EXOC4: variants seen among roughly 807,000 people sequenced by gnomAD.
EXOC4 encodes the protein exocyst complex component 4.
A neutral mutation model predicts 107.2 loss-of-function variants in EXOC4; 71 were observed. That is an observed-to-expected ratio of 0.66 (90% CI 0.55 to 0.81). The LOEUF is 0.81. Among genes scored for constraint, EXOC4 ranks in the 30% least tolerant of loss-of-function variants. The pLI, the probability that EXOC4 is intolerant of heterozygous loss-of-function variation, is 0.00. For synonymous variants in EXOC4, 456 were observed against 441.2 expected (o/e 1.03, Z -0.42); for missense variants, 1,108 against 1,189.6 (o/e 0.93, Z 1.01).
At chr7:133,975,811 A>G (rs1388983017) in intron 14 of EXOC4, among the ~76,000 whole-genome samples, 1 of 152,168 alleles carries the variant, frequency 6.6e-6, no homozygotes. Context: ...AGATATCATA[A>G]TCTTCATTTT....
intron 9 of EXOC4, among the ~76,000 whole-genome samples, chr7:133,600,595 A>G (rs1405100876): frequency 6.6e-6 from 1 of 152,220 alleles, no homozygotes; most frequent in African/African-American, 2.4e-5. Context: ...TTCAGAAAAT[A>G]ATTCAGCATT....
intron 9 of EXOC4, among the ~76,000 whole-genome samples, chr7:133,537,043 G>A (rs1217137035): frequency 6.6e-6 from 1 of 152,186 alleles, no homozygotes; most frequent in Non-Finnish European, 1.5e-5. Flanking sequence ...ATGGCTATTT[G>A]AGGACAACTG....
Position 133,493,311 on chromosome 7 carries a change from C to T in EXOC4, c.1417+13173C>T, listed in dbSNP as rs908159864. 3.9e-5 allele frequency among the ~76,000 whole-genome samples: 6 copies of T among 152,256 alleles called. No individual in the cohort carries two copies. In the East Asian group the frequency reaches 1.2e-3, roughly 29 times the overall value. On this transcript the variant is annotated intron_variant, in intron 9 of 17. Transcript: ENST00000253861. ...AATTAGCTGGACATGGTGGCACACGCCTCTAGTCCCAGCTACTCAGGAGGC... is the reference window on the plus strand; with the variant it reads ...AATTAGCTGGACATGGTGGCACACGTCTCTAGTCCCAGCTACTCAGGAGGC...
intron 7 of EXOC4, among the ~76,000 whole-genome samples, chr7:133,378,823 G>T (rs950085527): frequency 1.3e-5 from 2 of 151,960 alleles, no homozygotes; most frequent in African/African-American, 4.8e-5. Flanking sequence ...AAAAAACAAA[G>T]ATAGGATGAA....
intron 7 of EXOC4, among the ~76,000 whole-genome samples, chr7:133,407,452 T>G (rs995436885): frequency 2.0e-5 from 3 of 152,230 alleles, no homozygotes; most frequent in Non-Finnish European, 2.9e-5. Context: ...CTTTTTTTCT[T>G]TAACAGATTC....
At chr7:133,483,700 C>T (rs1799208837) in intron 9 of EXOC4, among the ~76,000 whole-genome samples, 1 of 152,218 alleles carries the variant, frequency 6.6e-6, no homozygotes, top group East Asian at 1.9e-4. Flanking sequence ...GAGAATAAAT[C>T]AGTGGACCAG....
At chr7:133,812,823 A>G (rs1231565350) in intron 10 of EXOC4, among the ~76,000 whole-genome samples, 1 of 152,124 alleles carries the variant, frequency 6.6e-6, no homozygotes, top group Non-Finnish European at 1.5e-5. Context: ...CATGCCGTGT[A>G]TTAGATCTCT....
At chr7:133,791,577 G>A (rs1376972923) in intron 10 of EXOC4, among the ~76,000 whole-genome samples, 8 of 152,200 alleles carry the variant, frequency 5.3e-5, no homozygotes, top group Non-Finnish European at 8.8e-5. Context: ...TGTTTAATAA[G>A]CATAGTTTGG....
intron 15 of EXOC4, 110 bp from the exon 16 acceptor site, chr7:134,004,802 T>C: frequency 1.1e-6 from 1 of 901,796 alleles, no homozygotes; most frequent in Non-Finnish European, 1.7e-6. Flanking sequence ...TGGCTAGTCT[T>C]ACATTTATTA....
intron 7 of EXOC4, among the ~76,000 whole-genome samples, chr7:133,436,570 A>G (rs1797980770): frequency 6.6e-6 from 1 of 152,038 alleles, no homozygotes; most frequent in South Asian, 2.1e-4. Flanking sequence ...CTTCTTTACT[A>G]AAGCCTAGAA....
At chr7:133,795,755 G>T (rs1009687386) in intron 10 of EXOC4, among the ~76,000 whole-genome samples, 1 of 152,194 alleles carries the variant, frequency 6.6e-6, no homozygotes, top group Non-Finnish European at 1.5e-5. Flanking sequence ...TTCAGGGAGG[G>T]CAGAGGAGTA....
At chr7:133,437,574 C>T (rs990315886) in intron 7 of EXOC4, among the ~76,000 whole-genome samples, 1 of 152,178 alleles carries the variant, frequency 6.6e-6, no homozygotes, top group African/African-American at 2.4e-5. Flanking sequence ...TTCTTTGTTA[C>T]CATTTTAAGA....
At chr7:133,898,609 T>TAATTTTACA in intron 12 of EXOC4, among the ~76,000 whole-genome samples, 1 of 151,698 alleles carries the variant, frequency 6.6e-6, no homozygotes, top group East Asian at 1.9e-4. Context: ...TAGCCGGGCG[T>TAATTTTACA]GGTGGCAGCG....
chr7:133,323,801 G>T (rs1227282012), intron 5 of EXOC4, among the ~76,000 whole-genome samples: 1 of 152,142 alleles, frequency 6.6e-6, no homozygotes, highest in African/African-American at 2.4e-5. Context: ...GCTCCTCCTT[G>T]TACCTCTGGT....
intron 5 of EXOC4, among the ~76,000 whole-genome samples, chr7:133,345,582 A>G (rs912278458): frequency 1.3e-5 from 2 of 152,112 alleles, no homozygotes; most frequent in Non-Finnish European, 2.9e-5. Flanking sequence ...GATCATGTAC[A>G]TTAAGTGCTA....
At chr7:133,295,719 C>T (rs1160807759) in intron 3 of EXOC4, among the ~76,000 whole-genome samples, 4 of 152,062 alleles carry the variant, frequency 2.6e-5, no homozygotes, top group African/African-American at 9.7e-5. Flanking sequence ...ATTTTCTCTT[C>T]TTTATGCGCA....
chr7:134,043,390 C>T (rs541554673), intron 17 of EXOC4, among the ~76,000 whole-genome samples: 2 of 152,302 alleles, frequency 1.3e-5, no homozygotes, highest in East Asian at 1.9e-4. Flanking sequence ...TGTTTTCCTG[C>T]TCAAATGGTT....
intron 9 of EXOC4, among the ~76,000 whole-genome samples, chr7:133,570,568 A>T (rs1012218270): frequency 1.3e-5 from 2 of 152,230 alleles, no homozygotes; most frequent in African/African-American, 2.4e-5. Flanking sequence ...TATGAGCCCA[A>T]GAATCTCAGA....
chr7:133,966,992 T>A (rs1329084603), intron 14 of EXOC4, among the ~76,000 whole-genome samples: 5 of 152,350 alleles, frequency 3.3e-5, no homozygotes, highest in African/African-American at 9.6e-5. Flanking sequence ...AATTACTGCC[T>A]CAATTTCAGA....
Sources: gnomAD v4.1 joint callset for allele counts (sites outside exome capture counted in the v4.1 genomes callset) on GRCh38, gnomAD v4.1.1 for gene constraint, MANE v1.5 for transcripts, NCBI Gene and HGNC (gene_info 2026-07-23, HGNC 2026-07-21) for gene names.